The following TMEM132D variants were observed in gnomAD, a reference collection of about 807,000 sequenced individuals.
TMEM132D encodes mature OL transmembrane protein.
In TMEM132D, 21 loss-of-function variants were observed where a neutral mutation model predicts 62.3. The ratio of observed to expected loss-of-function variants is 0.34; its 90% CI spans 0.24 to 0.49. TMEM132D has a LOEUF of 0.49. Ranked by LOEUF, TMEM132D falls within the 20% of genes least tolerant of loss-of-function variation. TMEM132D has a pLI of 0.99. For missense variants in TMEM132D, 1,346 were observed against 1,402.8 expected (o/e 0.96, Z 0.65); for synonymous variants, 621 against 575.6 (o/e 1.08, Z -1.13).
At chr12:129,672,313 T>A (rs888787323) in intron 2 of TMEM132D, among the ~76,000 whole-genome samples, 5 of 152,110 alleles carry the variant, frequency 3.3e-5, no homozygotes, top group Non-Finnish European at 7.3e-5. Flanking sequence ...CCCTGCGCAC[T>A]CTCATTTCCT....
chr12:129,301,676 G>T (rs776442302), intron 4 of TMEM132D, among the ~76,000 whole-genome samples: 6 of 152,122 alleles, frequency 3.9e-5, no homozygotes, highest in Non-Finnish European at 7.4e-5. Context: ...TTTGTCTTGG[G>T]CACTGTTCTA....
chr12:129,817,551 A>C (rs1872382525), intron 1 of TMEM132D, among the ~76,000 whole-genome samples: 1 of 151,860 alleles, frequency 6.6e-6, no homozygotes, highest in African/African-American at 2.4e-5. Context: ...ACATTTTAGC[A>C]AGCTGGGAGA....
chr12:129,834,142 T>G (rs1872928674), intron 1 of TMEM132D, among the ~76,000 whole-genome samples: 1 of 152,212 alleles, frequency 6.6e-6, no homozygotes, highest in South Asian at 2.1e-4. Flanking sequence ...TTCCTTTCCC[T>G]TCCTTCTTCA....
intron 1 of TMEM132D, among the ~76,000 whole-genome samples, chr12:129,812,376 A>G (rs540522059): frequency 2.0e-5 from 3 of 151,930 alleles, no homozygotes; most frequent in Admixed American, 6.6e-5. Flanking sequence ...AGGATGGGTT[A>G]TCTCGTGGAC....
intron 3 of TMEM132D, among the ~76,000 whole-genome samples, chr12:129,524,064 C>G (rs762558246): frequency 1.3e-5 from 2 of 151,798 alleles, no homozygotes; most frequent in Non-Finnish European, 2.9e-5. Context: ...GGGAACATCA[C>G]ACACCGGGGC....
chr12:129,461,493 C>T (rs1873668496), intron 3 of TMEM132D, among the ~76,000 whole-genome samples: 1 of 151,954 alleles, frequency 6.6e-6, no homozygotes, highest in African/African-American at 2.4e-5. Context: ...ACAAAGAGAG[C>T]CCAGGAAAAC....
intron 5 of TMEM132D, among the ~76,000 whole-genome samples, chr12:129,086,496 G>A (rs998521381): frequency 6.6e-6 from 1 of 152,028 alleles, no homozygotes; most frequent in Non-Finnish European, 1.5e-5. Context: ...AGAATAAGTG[G>A]TGTTTGACTT....
intron 5 of TMEM132D, among the ~76,000 whole-genome samples, chr12:129,152,145 G>T: frequency 6.6e-6 from 1 of 152,312 alleles, no homozygotes; most frequent in East Asian, 1.9e-4. Flanking sequence ...GCCTCCCAAA[G>T]TGCTGGGATT....
chr12:129,580,790 G>C (rs1877834316), intron 2 of TMEM132D, among the ~76,000 whole-genome samples: 1 of 152,068 alleles, frequency 6.6e-6, no homozygotes, highest in South Asian at 2.1e-4. Flanking sequence ...TCCTGTTAGT[G>C]TAAATTAGAT....
Position 129,671,301 on chromosome 12 carries a change from G to C in TMEM132D, c.968+28509C>G, listed in dbSNP as rs138776181. ...ATATCCTACTTGGTGAAATACTTGT[G>C]CTTCCATCAGTTGTAAAACGGTAGT... On this transcript the variant is annotated intron_variant, in intron 2 of 8. Transcript: ENST00000422113. Among the ~76,000 whole-genome samples, 442 of 152,242 alleles carry C rather than the reference G, an allele frequency of 2.9e-3. 1 individual carries two copies. Among genetic ancestry groups the C allele is most frequent in the African/African-American group, 1.0e-2 (415 of 41,550 alleles).
intron 2 of TMEM132D, among the ~76,000 whole-genome samples, chr12:129,654,499 C>G (rs976736696): frequency 6.6e-6 from 1 of 152,164 alleles, no homozygotes; most frequent in Admixed American, 6.5e-5. Flanking sequence ...TTCTTCCCCC[C>G]TAATAACCAA....
In TMEM132D at chr12:129,596,112, T is replaced by C. The variant is rs1386959974; in HGVS notation, c.969-64907A>G. On this transcript the variant is annotated intron_variant, in intron 2 of 8. Transcript: ENST00000422113. The stretch of plus-strand genomic sequence containing the variant: ...TGATAGAGCACAATTTCAAACATGA[T>C]GTACACAGGAGACAAATTGGGTATG... Among the ~76,000 whole-genome samples the C allele has an allele frequency of 2.0e-5, 3 of 152,184 alleles. No individual in the cohort carries two copies. In the East Asian group the frequency reaches 5.8e-4, roughly 29 times the overall value.
chr12:129,357,426 A>G (rs1870104808), intron 3 of TMEM132D, among the ~76,000 whole-genome samples: 1 of 150,584 alleles, frequency 6.6e-6, no homozygotes, highest in African/African-American at 2.4e-5. Flanking sequence ...AGAAAGAAAG[A>G]CGGAAGGAAA....
At chr12:129,851,159 A>G (rs1413272878) in intron 1 of TMEM132D, among the ~76,000 whole-genome samples, 1 of 152,208 alleles carries the variant, frequency 6.6e-6, no homozygotes, top group Non-Finnish European at 1.5e-5. Context: ...AGATGTTCCT[A>G]TCCATAGGGA....
At chr12:129,370,989 ATAAT>A (rs1224952461) in intron 3 of TMEM132D, among the ~76,000 whole-genome samples, 16 of 152,350 alleles carry the variant, frequency 1.1e-4, no homozygotes, top group Admixed American at 2.0e-4. Flanking sequence ...ATAGTTAACA[ATAAT>A]TAATTATATG....
chr12:129,555,015 C>T (rs1332716346), intron 2 of TMEM132D, among the ~76,000 whole-genome samples: 1 of 152,202 alleles, frequency 6.6e-6, no homozygotes, highest in Non-Finnish European at 1.5e-5. Context: ...ATATTCTCCC[C>T]AGCTATTTTA....
At chr12:129,450,998 G>A (rs1051753749) in intron 3 of TMEM132D, among the ~76,000 whole-genome samples, 14 of 151,874 alleles carry the variant, frequency 9.2e-5, no homozygotes, top group African/African-American at 2.4e-4. Context: ...TCCTGACCTC[G>A]TGATCCACCC....
intron 4 of TMEM132D, among the ~76,000 whole-genome samples, chr12:129,285,823 C>T (rs531021180): frequency 7.9e-5 from 12 of 152,206 alleles, no homozygotes; most frequent in African/African-American, 2.6e-4. Flanking sequence ...TCTTCTCACC[C>T]CAGTAGTTTC....
intron 3 of TMEM132D, among the ~76,000 whole-genome samples, chr12:129,440,632 T>G (rs1872912199): frequency 6.6e-6 from 1 of 152,196 alleles, no homozygotes; most frequent in Non-Finnish European, 1.5e-5. Flanking sequence ...ATATCCATAG[T>G]GTAGATAAAT....
Sources: gnomAD v4.1 joint callset for allele counts (sites outside exome capture counted in the v4.1 genomes callset) on GRCh38, gnomAD v4.1.1 for gene constraint, MANE v1.5 for transcripts, NCBI Gene and HGNC (gene_info 2026-07-23, HGNC 2026-07-21) for gene names.